The following CAMTA1 variants were observed in gnomAD, a reference collection of about 807,000 sequenced individuals.
CAMTA1 encodes the protein calmodulin binding transcription activator 1, also known as calmodulin-binding transcription activator 1.
A neutral mutation model predicts 170.9 loss-of-function variants in CAMTA1; 27 were observed. That is an observed-to-expected ratio of 0.16 (90% CI 0.12 to 0.22). CAMTA1 has a LOEUF of 0.22. CAMTA1 is among the 10% of genes least tolerant of loss of function. CAMTA1 has a pLI of 1.00. For synonymous variants in CAMTA1, 833 were observed against 891.5 expected (o/e 0.93, Z 1.17); for missense variants, 1,619 against 2,217.2 (o/e 0.73, Z 5.42).
At chr1:7,755,492 A>G in intron 21 of CAMTA1, 146 bp from the exon 22 acceptor site, 1 of 667,640 alleles carries the variant, frequency 1.5e-6, no homozygotes, top group East Asian at 2.5e-5. Flanking sequence ...TACTCATTTC[A>G]CGTACCCCAC....
chr1:6,989,833 AT>A (rs1177660891), intron 3 of CAMTA1, among the ~76,000 whole-genome samples: 1 of 152,062 alleles, frequency 6.6e-6, no homozygotes, highest in Non-Finnish European at 1.5e-5. Context: ...CTTTCAAAAC[AT>A]TTCTTGGATT....
intron 6 of CAMTA1, among the ~76,000 whole-genome samples, chr1:7,526,487 G>A (rs1444307962): frequency 2.0e-5 from 3 of 152,320 alleles, no homozygotes; most frequent in African/African-American, 7.2e-5. Context: ...GTCTGTCCAG[G>A]CCGTGGATAC....
intron 22 of CAMTA1, among the ~76,000 whole-genome samples, chr1:7,757,144 C>T (rs1301617878): frequency 1.3e-5 from 2 of 152,208 alleles, no homozygotes; most frequent in Non-Finnish European, 2.9e-5. Context: ...TATTTCCCAT[C>T]TAACTAGACT....
intron 6 of CAMTA1, among the ~76,000 whole-genome samples, chr1:7,574,888 C>T (rs1018088173): frequency 6.6e-6 from 1 of 152,192 alleles, no homozygotes; most frequent in Non-Finnish European, 1.5e-5. Context: ...CTGAGAGGTC[C>T]GTGCCCCAAC....
intron 3 of CAMTA1, among the ~76,000 whole-genome samples, chr1:6,959,369 C>T (rs187209550): frequency 3.3e-5 from 5 of 152,296 alleles, no homozygotes; most frequent in East Asian, 1.9e-4. Context: ...TTGCAGGAAG[C>T]GGCGGCCTTG....
At chr1:7,393,112 T>C (rs1268226160) in intron 5 of CAMTA1, among the ~76,000 whole-genome samples, 1 of 152,156 alleles carries the variant, frequency 6.6e-6, no homozygotes, top group Non-Finnish European at 1.5e-5. Context: ...AGTATTGTTG[T>C]TTTTAAAGCT....
intron 1 of CAMTA1, among the ~76,000 whole-genome samples, chr1:6,814,615 C>G (rs994457428): frequency 6.6e-6 from 1 of 152,158 alleles, no homozygotes; most frequent in Non-Finnish European, 1.5e-5. Flanking sequence ...GTATTTGAGC[C>G]ATTATACAGT....
At chr1:7,261,443 T>G (rs946990412) in intron 5 of CAMTA1, among the ~76,000 whole-genome samples, 4 of 152,192 alleles carry the variant, frequency 2.6e-5, no homozygotes, top group Non-Finnish European at 5.9e-5. Flanking sequence ...GGTTAAGTCT[T>G]GGAAAAGACT....
intron 3 of CAMTA1, among the ~76,000 whole-genome samples, chr1:7,068,684 C>T (rs1424396069): frequency 3.9e-5 from 6 of 152,168 alleles, no homozygotes; most frequent in South Asian, 4.2e-4. Context: ...ACTGAACATC[C>T]GGCCAATTCA....
intron 3 of CAMTA1, among the ~76,000 whole-genome samples, chr1:7,058,221 G>A (rs150310217): frequency 7.6e-4 from 115 of 152,252 alleles, no homozygotes; most frequent in African/African-American, 2.7e-3. Context: ...TGCGGACTCC[G>A]ATGGCCACCC....
chr1:7,368,077 A>G (rs556868328), intron 5 of CAMTA1, among the ~76,000 whole-genome samples: 1 of 150,728 alleles, frequency 6.6e-6, no homozygotes, highest in South Asian at 2.1e-4. Flanking sequence ...GACATTGGGC[A>G]CTCATGGTTT....
intron 3 of CAMTA1, among the ~76,000 whole-genome samples, chr1:6,968,521 G>A (rs1187966092): frequency 6.6e-6 from 1 of 152,186 alleles, no homozygotes; most frequent in East Asian, 1.9e-4. Context: ...CAGGTGCTGT[G>A]CTGGGCAGTG....
chr1:7,513,359 G>A (rs1023516495), intron 6 of CAMTA1, among the ~76,000 whole-genome samples: 1 of 152,180 alleles, frequency 6.6e-6, no homozygotes, highest in Non-Finnish European at 1.5e-5. Flanking sequence ...GGCCTGTGGG[G>A]ACATCAGTGT....
chr1:7,723,695 G>T, intron 11 of CAMTA1, among the ~76,000 whole-genome samples: 1 of 152,150 alleles, frequency 6.6e-6, no homozygotes. Flanking sequence ...GATGAGCAGG[G>T]TGCCTCACCT....
At chr1:7,725,508 G>T (rs2096678963) in intron 11 of CAMTA1, among the ~76,000 whole-genome samples, 1 of 152,230 alleles carries the variant, frequency 6.6e-6, no homozygotes, top group South Asian at 2.1e-4. Flanking sequence ...GATGGCTCTG[G>T]CATGGTTCAC....
At chr1:7,495,017 C>T (rs1303811433) in intron 6 of CAMTA1, among the ~76,000 whole-genome samples, 1 of 152,046 alleles carries the variant, frequency 6.6e-6, no homozygotes, top group East Asian at 1.9e-4. Flanking sequence ...TGCTTCTTGT[C>T]CTGAGAAAAG....
At chr1:7,758,665 G>A (rs1396381457) in intron 22 of CAMTA1, among the ~76,000 whole-genome samples, 2 of 152,178 alleles carry the variant, frequency 1.3e-5, no homozygotes, top group African/African-American at 4.8e-5. Context: ...GCCGGGCGCG[G>A]TGGCTTACGC....
chr1:7,301,032 A>G (rs1674675730), intron 5 of CAMTA1, among the ~76,000 whole-genome samples: 1 of 152,194 alleles, frequency 6.6e-6, no homozygotes, highest in Non-Finnish European at 1.5e-5. Flanking sequence ...CACTTTCTAA[A>G]TATGAGTCAC....
chr1:7,654,791 A>G (rs2095871385), intron 7 of CAMTA1, among the ~76,000 whole-genome samples: 1 of 81,150 alleles, frequency 1.2e-5, no homozygotes, highest in South Asian at 4.5e-4. Context: ...CTATACCCAC[A>G]CACCTATACA....
Sources: allele counts gnomAD v4.1 joint callset (sites outside exome capture counted in the v4.1 genomes callset), GRCh38; gene constraint gnomAD v4.1.1; transcripts MANE v1.5; gene names NCBI Gene and HGNC (gene_info 2026-07-23, HGNC 2026-07-21).